Variants in ANO4 observed in about 807,000 individuals in gnomAD.
ANO4 encodes anoctamin 4, also known as anoctamin-4.
In ANO4, 69 loss-of-function variants were observed where a neutral mutation model predicts 141.9. The observed-to-expected ratio is 0.49, with a 90% CI of 0.40 to 0.59. The LOEUF (loss-of-function observed/expected upper bound fraction) is 0.59, where lower values mean the gene tolerates loss of function less well. ANO4 is among the 20% of genes least tolerant of loss of function. The probability of loss-of-function intolerance (pLI) is 0.00; values close to 1 mark genes in which losing one functional copy is unlikely to be tolerated. For synonymous variants in ANO4, 350 were observed against 394.3 expected, an observed-to-expected ratio of 0.89 and a Z score of 1.33; for missense variants, 894 against 1,162.2, an observed-to-expected ratio of 0.77 and a Z score of 3.36.
intron 2 of ANO4, among the ~76,000 whole-genome samples, chr12:100,915,458 A>G (rs2041295228): frequency 6.6e-6 from 1 of 152,176 alleles, no homozygotes; most frequent in South Asian, 2.1e-4. Context: ...ATCATAGAAA[A>G]TATCATTTGT....
At chr12:101,078,016 C>T (rs890101128) in intron 14 of ANO4, among the ~76,000 whole-genome samples, 5 of 152,132 alleles carry the variant, frequency 3.3e-5, no homozygotes, top group African/African-American at 9.7e-5. Flanking sequence ...GAACTCTTAT[C>T]TATCACTCTA....
chr12:100,930,677 C>A (rs772106293), intron 3 of ANO4, among the ~76,000 whole-genome samples: 1 of 152,116 alleles, frequency 6.6e-6, no homozygotes, highest in Non-Finnish European at 1.5e-5. Flanking sequence ...AAGGTTCCTG[C>A]TGTCATATCT....
chr12:101,000,636 C>T (rs916126940), intron 8 of ANO4, among the ~76,000 whole-genome samples: 1 of 152,100 alleles, frequency 6.6e-6, no homozygotes, highest in African/African-American at 2.4e-5. Flanking sequence ...TCCTTAGAGT[C>T]AGGGGAAACA....
intron 1 of ANO4, among the ~76,000 whole-genome samples, chr12:100,865,033 G>A (rs1358641006): frequency 6.6e-6 from 1 of 152,174 alleles, no homozygotes; most frequent in African/African-American, 2.4e-5. Context: ...GGCTATCATT[G>A]ATGGGCATTT....
In ANO4 at chr12:100,765,379, C is replaced by CTTT. The variant is rs71091461; in HGVS notation, c.358+25289_358+25291dup. Among the ~76,000 whole-genome samples the CTTT allele has an allele frequency of 4.8e-3, 603 of 125,360 alleles. 20 individuals are homozygous for CTTT. Among genetic ancestry groups the CTTT allele is most frequent in the African/African-American group, 5.0e-3 (161 of 32,348 alleles). 82.2% of individuals were successfully genotyped at this position (125,360 alleles called of 152,430 possible). A position where few individuals can be genotyped will look rare whatever the true frequency, so the allele number is the denominator to read the frequency against. ...AGTTCTGTTTATATTTTCTTTCTTTCTTTTTTTTTTTTTTTTTGAGACAGG... is the reference window on the plus strand; with the variant it reads ...AGTTCTGTTTATATTTTCTTTCTTTCTTTTTTTTTTTTTTTTTTTTGAGACAGG... On this transcript the variant is annotated intron_variant, in intron 3 of 29. Transcript: ENST00000644049.
intron 22 of ANO4, among the ~76,000 whole-genome samples, chr12:101,103,698 T>C (rs1328961729): frequency 1.3e-5 from 2 of 151,944 alleles, no homozygotes; most frequent in Non-Finnish European, 2.9e-5. Flanking sequence ...GTGTAGTTTT[T>C]CTTTCTTGTA....
intron 3 of ANO4, among the ~76,000 whole-genome samples, chr12:100,929,747 C>T (rs924243979): frequency 6.6e-6 from 1 of 152,056 alleles, no homozygotes; most frequent in African/African-American, 2.4e-5. Flanking sequence ...ATGAGGGTTC[C>T]CTCTTCTCCA....
intron 1 of ANO4, among the ~76,000 whole-genome samples, chr12:100,807,444 A>AT (rs1403459974): frequency 1.3e-5 from 2 of 151,820 alleles, no homozygotes; most frequent in Non-Finnish European, 2.9e-5. Flanking sequence ...TTGTTCCAGG[A>AT]TTTTTTTTGA....
chr12:100,979,373 G>A (rs1352008235), intron 7 of ANO4, among the ~76,000 whole-genome samples: 2 of 152,140 alleles, frequency 1.3e-5, no homozygotes, highest in African/African-American at 4.8e-5. Flanking sequence ...GTAGGTCTGA[G>A]GTGGGGCTCG....
chr12:100,915,724 T>C (rs548166880), intron 2 of ANO4, among the ~76,000 whole-genome samples: 3 of 152,210 alleles, frequency 2.0e-5, no homozygotes, highest in Non-Finnish European at 2.9e-5. Flanking sequence ...CCAAATTATT[T>C]ATGTATAATG....
At chr12:100,826,427 T>C (rs1207402776) in intron 1 of ANO4, among the ~76,000 whole-genome samples, 1 of 152,066 alleles carries the variant, frequency 6.6e-6, no homozygotes, top group Non-Finnish European at 1.5e-5. Context: ...CCATTAATAT[T>C]GATGCATTGA....
chr12:100,864,322 G>A (rs1261305436), intron 1 of ANO4, among the ~76,000 whole-genome samples: 2 of 151,818 alleles, frequency 1.3e-5, no homozygotes, highest in Non-Finnish European at 2.9e-5. Flanking sequence ...CATGGAAGTA[G>A]AGGAGGAAAG....
chr12:100,903,313 A>G (rs940569636), intron 2 of ANO4, among the ~76,000 whole-genome samples: 15 of 152,092 alleles, frequency 9.9e-5, no homozygotes, highest in Non-Finnish European at 2.2e-4. Flanking sequence ...TTTCTCTCGC[A>G]TGTAACTTTC....
intron 2 of ANO4, among the ~76,000 whole-genome samples, chr12:100,907,055 C>A (rs1397131129): frequency 6.6e-6 from 1 of 152,120 alleles, no homozygotes; most frequent in Non-Finnish European, 1.5e-5. Flanking sequence ...TCTCAGACAC[C>A]AAGGTTCTCC....
chr12:101,111,472 T>C (rs1038371849), intron 23 of ANO4, 91 bp from the exon 24 acceptor site: 17 of 1,251,662 alleles, frequency 1.4e-5, no homozygotes, highest in Middle Eastern at 2.8e-4. Context: ...AAAGGACCCA[T>C]GAAAAGGACT....
chr12:101,065,880 A>G (rs929466566), intron 14 of ANO4, among the ~76,000 whole-genome samples: 1 of 152,234 alleles, frequency 6.6e-6, no homozygotes, highest in African/African-American at 2.4e-5. Context: ...TTGGCAATCA[A>G]AATTCAACAA....
intron 9 of ANO4, among the ~76,000 whole-genome samples, chr12:101,029,907 T>TAAAAAAAAAAAA (rs59678820): frequency 2.8e-4 from 27 of 96,178 alleles, no homozygotes; most frequent in South Asian, 1.2e-3. Flanking sequence ...AGTCTCCGTC[T>TAAAAAAAAAAAA]AAAAAAAAAA....
intron 3 of ANO4, among the ~76,000 whole-genome samples, chr12:100,768,105 G>A (rs2033160427): frequency 6.6e-6 from 1 of 152,192 alleles, no homozygotes; most frequent in Non-Finnish European, 1.5e-5. Flanking sequence ...GAAGCCTAGG[G>A]CTCTGGAGCT....
chr12:100,978,164 CTCATTCAAT>C (rs2044290536), intron 7 of ANO4, among the ~76,000 whole-genome samples: 1 of 152,188 alleles, frequency 6.6e-6, no homozygotes, highest in Non-Finnish European at 1.5e-5. Context: ...GCAAGGATGA[CTCATTCAAT>C]TCTATATTTC....
Sources: allele counts gnomAD v4.1 joint callset (sites outside exome capture counted in the v4.1 genomes callset), GRCh38; gene constraint gnomAD v4.1.1; transcripts MANE v1.5; gene names NCBI Gene and HGNC (gene_info 2026-07-23, HGNC 2026-07-21).